NTNG1: variants seen among roughly 807,000 people sequenced by gnomAD.
NTNG1 encodes netrin G1.
Under a neutral mutation model 54.0 loss-of-function variants are expected in NTNG1, and 16 were observed. The ratio of observed to expected loss-of-function variants is 0.30; its 90% CI spans 0.20 to 0.45. NTNG1 has a LOEUF of 0.45. Among genes scored for constraint, NTNG1 ranks in the 20% least tolerant of loss-of-function variants. NTNG1 has a pLI of 1.00. For synonymous variants in NTNG1, 255 were observed against 263.1 expected, an observed-to-expected ratio of 0.97 and a Z score of 0.30; for missense variants, 530 against 678.7, an observed-to-expected ratio of 0.78 and a Z score of 2.43.
chr1:107,312,043 A>C (rs1429521620), intron 2 of NTNG1, among the ~76,000 whole-genome samples: 2 of 152,238 alleles, frequency 1.3e-5, no homozygotes, highest in African/African-American at 4.8e-5. Context: ...AACATGATAC[A>C]GTCAGATTTC....
chr1:107,473,929 G>A (rs1460832825), intron 7 of NTNG1, among the ~76,000 whole-genome samples: 4 of 152,046 alleles, frequency 2.6e-5, no homozygotes, highest in African/African-American at 9.7e-5. Context: ...AAATTATCTT[G>A]GTCACTCCAT....
rs115809745 is a variant in NTNG1 at position 107,295,093 on chromosome 1, A to G, written c.247-29189A>G. Among the ~76,000 whole-genome samples, 808 of 152,344 alleles carry G rather than the reference A, an allele frequency of 5.3e-3. 8 individuals carry two copies. The highest frequency in any genetic ancestry group is 0.018 in the African/African-American group (763 of 41,576). Reference sequence around the variant, plus strand: ...TTTTACACTGTGTTCAGTTTCTGATATCAGAAGGTGGTTGTGTAATTACAT... The same window carrying G: ...TTTTACACTGTGTTCAGTTTCTGATGTCAGAAGGTGGTTGTGTAATTACAT... On this transcript the variant is annotated intron_variant, in intron 2 of 7. Transcript: ENST00000370068.
At chr1:107,464,041 A>G (rs904032039) in intron 7 of NTNG1, among the ~76,000 whole-genome samples, 3 of 152,192 alleles carry the variant, frequency 2.0e-5, no homozygotes, top group African/African-American at 4.8e-5. Context: ...TTCAGTATTC[A>G]AGTCTGATGT....
intron 2 of NTNG1, among the ~76,000 whole-genome samples, chr1:107,305,885 T>C (rs577066760): frequency 6.3e-4 from 96 of 152,306 alleles, no homozygotes; most frequent in Non-Finnish European, 1.2e-3. Flanking sequence ...GCTGATTATT[T>C]TTCATGCCTC....
intron 3 of NTNG1, among the ~76,000 whole-genome samples, chr1:107,380,530 C>T (rs984902037): frequency 6.6e-6 from 1 of 152,158 alleles, no homozygotes; most frequent in Non-Finnish European, 1.5e-5. Context: ...TGAAGTAAAA[C>T]ACCATTACAC....
At chr1:107,153,181 G>A (rs1314881909) in intron 2 of NTNG1, among the ~76,000 whole-genome samples, 1 of 152,160 alleles carries the variant, frequency 6.6e-6, no homozygotes, top group Non-Finnish European at 1.5e-5. Flanking sequence ...TCAAAGGAAC[G>A]CTGAGAGATG....
chr1:107,212,489 C>T (rs1659660134), intron 2 of NTNG1, among the ~76,000 whole-genome samples: 1 of 152,120 alleles, frequency 6.6e-6, no homozygotes, highest in South Asian at 2.1e-4. Flanking sequence ...CCTTTTGGCT[C>T]CAAAATCTGT....
rs114576757 is a variant in NTNG1, at chr1:107,201,080, T to C, written c.246+52241T>C. Among the ~76,000 whole-genome samples, 730 of 151,994 alleles carry C rather than the reference T, an allele frequency of 4.8e-3. 8 individuals carry two copies. The highest frequency in any genetic ancestry group is 0.017 in the African/African-American group (688 of 41,546). ...AAAACTGAAGGAAATAATTCAAATA[T>C]TCTTCAAGCCATATCTATATTATCC... is the stretch of plus-strand genomic sequence containing the variant. On this transcript the variant is annotated intron_variant, in intron 2 of 7. Transcript: ENST00000370068.
intron 2 of NTNG1, among the ~76,000 whole-genome samples, chr1:107,154,816 A>G (rs1462914189): frequency 6.6e-6 from 1 of 151,808 alleles, no homozygotes; most frequent in Non-Finnish European, 1.5e-5. Context: ...ATATATAGTT[A>G]TTAATTTAAG....
intron 2 of NTNG1, chr1:107,260,789 C>T (rs1663262246): frequency 6.6e-6 from 1 of 152,184 alleles, no homozygotes; most frequent in African/African-American, 2.4e-5. Context: ...CAGGTGAGTA[C>T]TCCCCTTCTA....
chr1:107,195,514 T>C (rs1658254732), intron 2 of NTNG1, among the ~76,000 whole-genome samples: 1 of 151,940 alleles, frequency 6.6e-6, no homozygotes. Flanking sequence ...TCATTTCACA[T>C]GGGTAAAAGC....
At chr1:107,219,493 T>C (rs1250936540) in intron 2 of NTNG1, among the ~76,000 whole-genome samples, 1 of 152,172 alleles carries the variant, frequency 6.6e-6, no homozygotes, top group East Asian at 1.9e-4. Context: ...AAGAATCTTG[T>C]TTTGTCATGT....
At chr1:107,419,294 AC>A (rs1448663461) in intron 5 of NTNG1, among the ~76,000 whole-genome samples, 1 of 151,004 alleles carries the variant, frequency 6.6e-6, no homozygotes, top group East Asian at 1.9e-4. Flanking sequence ...CCTTGTTGGA[AC>A]TTTTCCTTTT....
intron 2 of NTNG1, among the ~76,000 whole-genome samples, chr1:107,311,480 A>G (rs1246011011): frequency 6.6e-6 from 1 of 152,184 alleles, no homozygotes; most frequent in East Asian, 1.9e-4. Flanking sequence ...AACCCCAGTA[A>G]CTATATCAAT....
chr1:107,217,150 A>C (rs1431396202), intron 2 of NTNG1, among the ~76,000 whole-genome samples: 2 of 151,902 alleles, frequency 1.3e-5, no homozygotes, highest in African/African-American at 4.8e-5. Flanking sequence ...CAGAGTTTCT[A>C]TTTCTTCCTG....
Position 107,468,179 on chromosome 1 carries a change from A to G in NTNG1, c.1391-12432A>G, listed in dbSNP as rs1677727935. ...TAGTAGCTATTTTTCATACTTAAAT[A>G]TCCCTGCTGTTTAAAAATCCTAAGA... On this transcript the variant is annotated intron_variant, in intron 7 of 7. Coordinates refer to ENST00000370068, the MANE Select transcript of NTNG1 (RefSeq NM_001113226.3). Among the ~76,000 whole-genome samples the G allele has an allele frequency of 1.3e-5, 2 of 152,210 alleles. 1 individual carries two copies. Among genetic ancestry groups the G allele is most frequent in the East Asian group, 3.8e-4 (2 of 5,200 alleles).
chr1:107,209,102 C>A (rs1454992323), intron 2 of NTNG1, among the ~76,000 whole-genome samples: 2 of 151,352 alleles, frequency 1.3e-5, no homozygotes, highest in African/African-American at 4.9e-5. Context: ...CCTTTTTTTT[C>A]TGAGCTGCAT....
rs1449500721 is a variant in NTNG1, at chr1:107,324,366, G to C, written c.331G>C (p.Gly111Arg). 6.2e-7 allele frequency: 1 copy of C among 1,613,642 alleles called. No homozygotes were observed. The highest frequency in any genetic ancestry group is 1.3e-5 in the African/African-American group (1 of 74,862). The change falls in exon 3 of 8, where the codon GGA becomes CGA. Residue 111 changes from glycine to arginine, a missense_variant. Transcript: ENST00000370068. Reference protein sequence around the residue: ...HPPELMFDFEGRHPSTFWQSA... With the variant: ...HPPELMFDFERRHPSTFWQSA... The stretch of plus-strand genomic sequence containing the variant: ...CCCTGAGCTGATGTTTGATTTTGAA[G>C]GAAGACATCCCTCCACATTTTGGCA...
At chr1:107,216,719 C>T (rs1204480993) in intron 2 of NTNG1, among the ~76,000 whole-genome samples, 1 of 150,928 alleles carries the variant, frequency 6.6e-6, no homozygotes, top group Non-Finnish European at 1.5e-5. Flanking sequence ...TCCTCTGTCG[C>T]CCAGCTGGAA....
Sources: allele counts gnomAD v4.1 joint callset (sites outside exome capture counted in the v4.1 genomes callset), GRCh38; gene constraint gnomAD v4.1.1; transcripts MANE v1.5; gene names NCBI Gene and HGNC (gene_info 2026-07-23, HGNC 2026-07-21).